KCNMB4: variants seen among roughly 807,000 people sequenced by gnomAD.
KCNMB4 encodes the protein potassium calcium-activated channel subfamily M regulatory beta subunit 4.
A neutral mutation model predicts 20.7 loss-of-function variants in KCNMB4; 3 were observed. That is an observed-to-expected ratio of 0.14 (90% CI 0.07 to 0.37). The LOEUF is 0.37. Ranked by LOEUF, KCNMB4 falls within the 10% of genes least tolerant of loss-of-function variation. The pLI is 1.00. For synonymous variants in KCNMB4, 110 were observed against 113.4 expected, an observed-to-expected ratio of 0.97 and a Z score of 0.19; for missense variants, 168 against 265.9, an observed-to-expected ratio of 0.63 and a Z score of 2.56.
chr12:70,427,084 C>T (rs890951488), intron 2 of KCNMB4, among the ~76,000 whole-genome samples: 1 of 152,176 alleles, frequency 6.6e-6, no homozygotes, highest in Non-Finnish European at 1.5e-5. Context: ...TATGTCAGCT[C>T]CCGTCATGCC....
Position 70,366,663 on chromosome 12 carries a change from G to T in KCNMB4, c.-72G>T. 9.5e-7 allele frequency: 1 copy of T among 1,050,286 alleles called. No homozygotes were observed. The allele number at this position is 1,050,286 out of a possible 1,614,324, so 65.1% of individuals were successfully genotyped here. Reference sequence around the variant, plus strand: ...GTGGCGGCGGCGGCTCCTCCCGCCCGAGGCAGTCGGGCTCGGCGCCGGGGG... The same window carrying T: ...GTGGCGGCGGCGGCTCCTCCCGCCCTAGGCAGTCGGGCTCGGCGCCGGGGG... On this transcript the variant is annotated 5_prime_UTR_variant, in exon 1 of 3. Transcript: ENST00000258111.
chr12:70,383,613 C>G (rs1883834370), intron 1 of KCNMB4, among the ~76,000 whole-genome samples: 2 of 152,222 alleles, frequency 1.3e-5, no homozygotes, highest in Admixed American at 6.5e-5. Flanking sequence ...CCTGAAGGCT[C>G]TAGAAAAACA....
At chr12:70,377,513 G>A (rs551618547) in intron 1 of KCNMB4, among the ~76,000 whole-genome samples, 71 of 152,314 alleles carry the variant, frequency 4.7e-4, no homozygotes, top group African/African-American at 1.6e-3. Context: ...GGAGGATCAT[G>A]CCTCGATGTT....
chr12:70,402,871 G>C (rs1179664501), intron 2 of KCNMB4, among the ~76,000 whole-genome samples: 1 of 152,138 alleles, frequency 6.6e-6, no homozygotes, highest in African/African-American at 2.4e-5. Context: ...TGTCCAAAGA[G>C]AGAAAGAGCC....
At chr12:70,392,506 A>G (rs752306723) in intron 1 of KCNMB4, among the ~76,000 whole-genome samples, 6 of 152,202 alleles carry the variant, frequency 3.9e-5, no homozygotes, top group Admixed American at 6.5e-5. Context: ...AGGATTATAA[A>G]TCATTCTATA....
At chr12:70,407,097 C>T (rs1291865186) in intron 2 of KCNMB4, among the ~76,000 whole-genome samples, 1 of 152,194 alleles carries the variant, frequency 6.6e-6, no homozygotes, top group Non-Finnish European at 1.5e-5. Flanking sequence ...CATGTCCCAG[C>T]TATCTACCTG....
intron 1 of KCNMB4, among the ~76,000 whole-genome samples, chr12:70,394,342 C>G (rs956623907): frequency 1.3e-5 from 2 of 152,140 alleles, no homozygotes; most frequent in Admixed American, 1.3e-4. Context: ...CTGCTCTAGG[C>G]TGGGCACTAC....
At chr12:70,407,968 C>T (rs2136133817) in intron 2 of KCNMB4, among the ~76,000 whole-genome samples, 1 of 152,306 alleles carries the variant, frequency 6.6e-6, no homozygotes, top group African/African-American at 2.4e-5. Context: ...GGAACCGGGG[C>T]AGAGACCAAA....
rs146449972 is a variant in KCNMB4 at position 70,433,568 on chromosome 12, GTC to G, written c.*2919_*2920del. 4.6e-5 allele frequency: 7 copies of G among 152,352 alleles called. No individual in the cohort carries two copies. In the East Asian group the frequency reaches 1.4e-3, roughly 29 times the overall value. 9.4% of individuals were successfully genotyped at this position (152,352 alleles called of 1,614,324 possible). A position where few individuals can be genotyped will look rare whatever the true frequency, so the allele number is the denominator to read the frequency against. ...CTAGCTTCAAGAAAGCCTGGGACGT[GTC>G]TCTAACTAGATGGACATGTGCCCTA... On this transcript the variant is annotated 3_prime_UTR_variant, in exon 3 of 3. Transcript: ENST00000258111.
At chr12:70,409,355 C>T (rs1420576897) in intron 2 of KCNMB4, among the ~76,000 whole-genome samples, 5 of 152,158 alleles carry the variant, frequency 3.3e-5, no homozygotes, top group Admixed American at 6.5e-5. Context: ...ATCCACACCA[C>T]GCTAGGTTTT....
chr12:70,386,600 T>G (rs1185617748), intron 1 of KCNMB4, among the ~76,000 whole-genome samples: 5 of 150,882 alleles, frequency 3.3e-5, no homozygotes, highest in African/African-American at 4.8e-5. Flanking sequence ...GTTTGTTGTT[T>G]TTTTTTTTTT....
intron 1 of KCNMB4, among the ~76,000 whole-genome samples, chr12:70,382,509 T>C (rs1883808281): frequency 1.4e-5 from 2 of 147,688 alleles, no homozygotes; most frequent in Non-Finnish European, 3.0e-5. Flanking sequence ...TTTGGGTAAA[T>C]ATATATTTTA....
rs555294903 is a variant in KCNMB4, at chr12:70,370,858, C to CATTT, written c.336+3805_336+3808dup. Among the ~76,000 whole-genome samples the CATTT allele has an allele frequency of 1.1e-3, 160 of 150,382 alleles. No individual in the cohort carries two copies. The East Asian group carries it at 0.027, about 25-fold the overall frequency. On this transcript the variant is annotated intron_variant, in intron 1 of 2. Transcript: ENST00000258111. ...GTGATTAGAGATAATATGGTTATTT[C>CATTT]ATTTATTTATTTATTTATTTTTGAG... is the stretch of plus-strand genomic sequence containing the variant.
chr12:70,367,146 G>C, intron 1 of KCNMB4, 76 bp downstream of exon 1: 2 of 1,213,722 alleles, frequency 1.6e-6, no homozygotes, highest in Non-Finnish European at 2.3e-6. Context: ...ACTCCGCGCG[G>C]GGAGGGTTCG....
At chr12:70,410,999 A>C (rs1403582067) in intron 2 of KCNMB4, among the ~76,000 whole-genome samples, 1 of 152,228 alleles carries the variant, frequency 6.6e-6, no homozygotes, top group Non-Finnish European at 1.5e-5. Flanking sequence ...GTTTCTTCAG[A>C]ACACAGTTTT....
At position 70,422,056 on chromosome 12, in the gene KCNMB4, T is replaced by A. The variant is rs556375236; in HGVS notation, c.465-8429T>A. Among the ~76,000 whole-genome samples, 25 of 152,260 alleles carry A rather than the reference T, an allele frequency of 1.6e-4. No individual in the cohort carries two copies. The South Asian group carries it at 5.0e-3, about 30-fold the overall frequency. ...GTCCCAACACAATTTATTGAATCAA[T>A]AATTCATCTCTCCCATACGAATTTA... is the stretch of plus-strand genomic sequence containing the variant. On this transcript the variant is annotated intron_variant, in intron 2 of 2. Coordinates refer to ENST00000258111, the MANE Select transcript of KCNMB4 (RefSeq NM_014505.6).
chr12:70,391,920 A>C (rs1217553222), intron 1 of KCNMB4, among the ~76,000 whole-genome samples: 1 of 152,226 alleles, frequency 6.6e-6, no homozygotes, highest in Admixed American at 6.5e-5. Context: ...TTGTAAGAGT[A>C]TGTGAAATGG....
intron 1 of KCNMB4, among the ~76,000 whole-genome samples, chr12:70,385,155 G>A (rs1444796992): frequency 6.6e-6 from 1 of 152,174 alleles, no homozygotes; most frequent in Non-Finnish European, 1.5e-5. Flanking sequence ...TAGGGACTTT[G>A]TCACAAACTT....
chr12:70,400,750 T>C lies in KCNMB4; in HGVS notation c.464+414T>C, dbSNP rs997910211. Among the ~76,000 whole-genome samples the C allele has an allele frequency of 3.3e-5, 5 of 152,328 alleles. 1 individual carries two copies. The highest frequency in any genetic ancestry group is 4.1e-4 in the South Asian group (2 of 4,828). On this transcript the variant is annotated intron_variant, in intron 2 of 2. Coordinates refer to ENST00000258111, the MANE Select transcript of KCNMB4 (RefSeq NM_014505.6). ...TTGACTTAGTACTCAGTTTATACCATATAAACCATGTAAAGATGGTTCCTT... is the reference window on the plus strand; with the variant it reads ...TTGACTTAGTACTCAGTTTATACCACATAAACCATGTAAAGATGGTTCCTT...
Sources: gnomAD v4.1 joint callset for allele counts (sites outside exome capture counted in the v4.1 genomes callset) on GRCh38, gnomAD v4.1.1 for gene constraint, MANE v1.5 for transcripts, NCBI Gene and HGNC (gene_info 2026-07-23, HGNC 2026-07-21) for gene names.